The following GCSAM variants were observed in gnomAD, a reference collection of about 807,000 sequenced individuals.
GCSAM encodes germinal center-associated signaling and motility protein.
Under a neutral mutation model 17.6 loss-of-function variants are expected in GCSAM, and 8 were observed. The ratio of observed to expected loss-of-function variants is 0.46; its 90% CI spans 0.27 to 0.82. The LOEUF (loss-of-function observed/expected upper bound fraction) is 0.82. GCSAM is among the 40% of genes least tolerant of loss of function. The pLI is 0.15. For synonymous variants in GCSAM, 68 were observed against 69.0 expected (o/e 0.98, Z 0.07); for missense variants, 192 against 213.5 (o/e 0.90, Z 0.63).
At chr3:112,124,435 C>A (rs1018697234) in intron 5 of GCSAM, among the ~76,000 whole-genome samples, 1 of 152,012 alleles carries the variant, frequency 6.6e-6, no homozygotes, top group Admixed American at 6.6e-5. Flanking sequence ...ATGGTGAAAC[C>A]CCATTTCTAC....
intron 2 of GCSAM, chr3:112,129,689 T>C (rs1347101730): frequency 6.6e-6 from 1 of 152,232 alleles, no homozygotes; most frequent in African/African-American, 2.4e-5. Flanking sequence ...ATTCTCAACT[T>C]GAACTGAAAA....
At position 112,123,288 on chromosome 3, in the gene GCSAM, C is replaced by G; in HGVS notation, c.*167G>C. 1.5e-6 allele frequency: 2 copies of G among 1,334,758 alleles called. No homozygotes were observed. The highest frequency in any genetic ancestry group is 2.0e-6 in the Non-Finnish European group (2 of 1,004,772). 82.7% of individuals were successfully genotyped at this position (1,334,758 alleles called of 1,614,324 possible). A position where few individuals can be genotyped will look rare whatever the true frequency, so the allele number is the denominator to read the frequency against. On this transcript the variant is annotated 3_prime_UTR_variant, in exon 6 of 6. Transcript: ENST00000308910. ...TAAATGGTTGATCTTTAGATTTTGG[C>G]TTTTGCGTGCTAAGAGGGCTTGTGG...
At chr3:112,126,761 A>G (rs758985005) in intron 4 of GCSAM, among the ~76,000 whole-genome samples, 4 of 152,164 alleles carry the variant, frequency 2.6e-5, no homozygotes, top group Non-Finnish European at 5.9e-5. Context: ...TTCAGCCTCC[A>G]GGCCTCAGGC....
intron 1 of GCSAM, among the ~76,000 whole-genome samples, chr3:112,131,841 G>A (rs578162274): frequency 5.0e-4 from 76 of 152,262 alleles, no homozygotes; most frequent in African/African-American, 1.7e-3. Context: ...AAGCTTTCTA[G>A]ATTTAAAATC....
In GCSAM at chr3:112,133,154, C is replaced by G. The variant is rs2074499548; in HGVS notation, c.-34G>C. ...TCCTCTCAGGGCTTCCCCTCCGTCC[C>G]TTTACCACTTCCTTCTTGCCTTGTG... On this transcript the variant is annotated 5_prime_UTR_variant, in exon 1 of 6. Transcript: ENST00000308910. The G allele has an allele frequency of 1.2e-6, 2 of 1,612,758 alleles. No individual in the cohort carries two copies. Among genetic ancestry groups the G allele is most frequent in the Non-Finnish European group, 1.7e-6 (2 of 1,178,894 alleles).
Position 112,123,331 on chromosome 3 carries a change from G to T in GCSAM, c.*124C>A. 6.7e-7 allele frequency: 1 copy of T among 1,492,502 alleles called. No individual in the cohort carries two copies. Among genetic ancestry groups the T allele is most frequent in the East Asian group, 2.3e-5 (1 of 42,558 alleles). The allele number at this position is 1,492,502 out of a possible 1,614,324, so 92.5% of individuals were successfully genotyped here. On this transcript the variant is annotated 3_prime_UTR_variant, in exon 6 of 6. Coordinates refer to ENST00000308910, the MANE Select transcript of GCSAM (RefSeq NM_152785.5). ...GCTTGTGGTATACAAACCATGCTCTGCAGGGAAAGGGTTGTTGTGGGAGAT... is the reference window on the plus strand; with the variant it reads ...GCTTGTGGTATACAAACCATGCTCTTCAGGGAAAGGGTTGTTGTGGGAGAT...
chr3:112,126,607 C>G (rs2107805136), intron 4 of GCSAM, among the ~76,000 whole-genome samples: 1 of 152,306 alleles, frequency 6.6e-6, no homozygotes, highest in East Asian at 1.9e-4. Flanking sequence ...AAGCCAGTAT[C>G]TCCTGCAGCT....
rs2074427885 is a variant in GCSAM at position 112,130,500 on chromosome 3, T to A, written c.43A>T (p.Thr15Ser). ...CTCACATTCCAAGGCATCTCTTGAG[T>A]GTTCTGCTGCCGCCTGAAACTCAAC... ...LLRENRRQQNTQEMPWNVRMQ... is the reference protein window; with the variant it reads ...LLRENRRQQNSQEMPWNVRMQ... Residue 15 changes from threonine to serine, a missense_variant, in exon 2 of 6, where the codon ACT becomes TCT. By Grantham distance (58) the Thr-to-Ser change is moderately conservative (BLOSUM62 1). Coordinates refer to ENST00000308910, the MANE Select transcript of GCSAM (RefSeq NM_152785.5). 1 of 1,614,058 alleles carries A rather than the reference T, an allele frequency of 6.2e-7. No individual in the cohort carries two copies. The highest frequency in any genetic ancestry group is 8.5e-7 in the Non-Finnish European group (1 of 1,179,924).
chr3:112,129,052 A>G (rs892501897), intron 2 of GCSAM: 4 of 152,192 alleles, frequency 2.6e-5, no homozygotes, highest in Non-Finnish European at 5.9e-5. Flanking sequence ...ACAACCTCTA[A>G]GATCTATGCA....
chr3:112,132,200 A>G (rs970404147), intron 1 of GCSAM, among the ~76,000 whole-genome samples: 1 of 152,230 alleles, frequency 6.6e-6, no homozygotes, highest in African/African-American at 2.4e-5. Context: ...AGGAAGGGAC[A>G]TGAGATATTC....
At position 112,122,529 on chromosome 3, in the gene GCSAM, T is replaced by A. The variant is rs1165956631; in HGVS notation, c.*926A>T. On this transcript the variant is annotated 3_prime_UTR_variant, in exon 6 of 6. Coordinates refer to ENST00000308910, the MANE Select transcript of GCSAM (RefSeq NM_152785.5). ...GAGTGCTTATCAGAGAAGGTATATA[T>A]GTGTTAATTTCCTATGTGGACATTT... 6.6e-6 allele frequency: 1 copy of A among 152,188 alleles called. No individual in the cohort carries two copies. The highest frequency in any genetic ancestry group is 1.5e-5 in the Non-Finnish European group (1 of 68,038). 9.4% of individuals were successfully genotyped at this position (152,188 alleles called of 1,614,324 possible).
At chr3:112,130,138 C>T in intron 2 of GCSAM, 1 of 326,328 alleles carries the variant, frequency 3.1e-6, no homozygotes, top group South Asian at 5.0e-5. Flanking sequence ...CACAAAGGTA[C>T]CTGAGATAGA....
intron 4 of GCSAM, 86 bp from the exon 5 acceptor site, chr3:112,125,340 A>G: frequency 2.1e-6 from 2 of 936,014 alleles, no homozygotes; most frequent in East Asian, 2.4e-5. Context: ...ATAAATAACT[A>G]AAAAGCCAAG....
At position 112,122,590 on chromosome 3, in the gene GCSAM, A is replaced by G. The variant is rs1337056895; in HGVS notation, c.*865T>C. ...TTATACATGACATTATTAAATATATACATTTAGTATACATTTAATATATTG... is the reference window on the plus strand; with the variant it reads ...TTATACATGACATTATTAAATATATGCATTTAGTATACATTTAATATATTG... On this transcript the variant is annotated 3_prime_UTR_variant, in exon 6 of 6. Transcript: ENST00000308910. 3 of 152,338 alleles carry G rather than the reference A, an allele frequency of 2.0e-5. No homozygotes were observed. The East Asian group carries it at 5.8e-4, about 29-fold the overall frequency. 9.4% of individuals were successfully genotyped at this position (152,338 alleles called of 1,614,324 possible). A position where few individuals can be genotyped will look rare whatever the true frequency, so the allele number is the denominator to read the frequency against.
chr3:112,123,393 G>A lies in GCSAM; in HGVS notation c.*62C>T. The stretch of plus-strand genomic sequence containing the variant: ...ACTTTGTGTCCCATCCCTGCTTCAG[G>A]CAGATCCCCCATCCCACCTTTTATT... On this transcript the variant is annotated 3_prime_UTR_variant, in exon 6 of 6. Coordinates refer to ENST00000308910, the MANE Select transcript of GCSAM (RefSeq NM_152785.5). 6.4e-7 allele frequency: 1 copy of A among 1,570,860 alleles called. No homozygotes were observed. Among genetic ancestry groups the A allele is most frequent in the Non-Finnish European group, 8.6e-7 (1 of 1,158,584 alleles).
chr3:112,123,985 C>T (rs1056468726), intron 5 of GCSAM, among the ~76,000 whole-genome samples: 1 of 152,168 alleles, frequency 6.6e-6, no homozygotes, highest in African/African-American at 2.4e-5. Context: ...TCAGGTGCAT[C>T]CTCTGCCCCT....
chr3:112,125,311 G>A lies in GCSAM; in HGVS notation c.191-57C>T. 14 of 1,161,084 alleles carry A rather than the reference G, an allele frequency of 1.2e-5. No individual in the cohort carries two copies. In the South Asian group the frequency reaches 1.7e-4, roughly 14 times the overall value. The allele number at this position is 1,161,084 out of a possible 1,614,324, so 71.9% of individuals were successfully genotyped here. A position where few individuals can be genotyped will look rare whatever the true frequency, so the allele number is the denominator to read the frequency against. ...AGGTTATGGGGAGATTTGAAGGGAAGAGCAGGGGAGGCTAGAATATAAATA... is the reference window on the plus strand; with the variant it reads ...AGGTTATGGGGAGATTTGAAGGGAAAAGCAGGGGAGGCTAGAATATAAATA... On this transcript the variant is annotated intron_variant, in intron 4 of 5. Coordinates refer to ENST00000308910, the MANE Select transcript of GCSAM (RefSeq NM_152785.5).
rs140642242 is a variant in GCSAM at position 112,128,311 on chromosome 3, C to T, written c.99-250G>A. 12 of 649,916 alleles carry T rather than the reference C, an allele frequency of 1.8e-5. No individual in the cohort carries two copies. In the African/African-American group the frequency reaches 2.2e-4, roughly 12 times the overall value. 40.3% of individuals were successfully genotyped at this position (649,916 alleles called of 1,614,324 possible). On this transcript the variant is annotated intron_variant, in intron 2 of 5. Transcript: ENST00000308910. ...TCCCAGCAAAGGAAAAATGTTTCCTCACTCTCAATTCTGGTAATTTCCTTG... is the reference window on the plus strand; with the variant it reads ...TCCCAGCAAAGGAAAAATGTTTCCTTACTCTCAATTCTGGTAATTTCCTTG...
At chr3:112,125,188 C>T in intron 5 of GCSAM, 38 bp downstream of exon 5, 2 of 1,383,844 alleles carry the variant, frequency 1.4e-6, no homozygotes. Flanking sequence ...GTACTTCTAT[C>T]ATCATCTCAA....
Sources: allele counts gnomAD v4.1 joint callset (sites outside exome capture counted in the v4.1 genomes callset), GRCh38; gene constraint gnomAD v4.1.1; transcripts MANE v1.5; gene names NCBI Gene and HGNC (gene_info 2026-07-23, HGNC 2026-07-21).